AIM2: variants seen among roughly 807,000 people sequenced by gnomAD.
AIM2 encodes interferon-inducible protein AIM2.
AIM2 carries 30 observed loss-of-function variants against 27.7 expected under a neutral mutation model. The observed-to-expected ratio is 1.08, with a 90% CI of 0.81 to 1.47. The LOEUF is 1.47. Ranked by LOEUF, AIM2 falls within the 40% of genes most tolerant of loss-of-function variation. The probability of loss-of-function intolerance (pLI) is 0.00; values close to 1 mark genes in which losing one functional copy is unlikely to be tolerated. For synonymous variants in AIM2, 141 were observed against 145.3 expected (o/e 0.97, Z 0.21); for missense variants, 358 against 411.3 (o/e 0.87, Z 1.12).
chr1:159,093,901 AT>A (rs71084302), intron 1 of AIM2, among the ~76,000 whole-genome samples: 110 of 143,046 alleles, frequency 7.7e-4, no homozygotes, highest in African/African-American at 2.0e-3. Flanking sequence ...ATGCCTGGAT[AT>A]TTTTTTTTTT....
At chr1:159,138,787 T>TACCATATTTCAGGC (rs1462582362) in intron 1 of AIM2, among the ~76,000 whole-genome samples, 1 of 152,228 alleles carries the variant, frequency 6.6e-6, no homozygotes, top group African/African-American at 2.4e-5. Context: ...ATCAAATGCC[T>TACCATATTTCAGGC]ACCATATTTC....
At chr1:159,061,219 T>C (rs1655822802), downstream of AIM2, among the ~76,000 whole-genome samples, 1 of 152,230 alleles carries the variant, frequency 6.6e-6, no homozygotes, top group African/African-American at 2.4e-5. Flanking sequence ...CTAATAAATA[T>C]ATAATGGCAT....
intron 1 of AIM2, among the ~76,000 whole-genome samples, chr1:159,137,874 G>A (rs897450117): frequency 1.3e-5 from 2 of 152,150 alleles, no homozygotes; most frequent in East Asian, 1.9e-4. Context: ...GCTGGTGAAC[G>A]ACATCCCTCA....
chr1:159,123,162 G>A (rs1488378383), intron 1 of AIM2, among the ~76,000 whole-genome samples: 5 of 152,226 alleles, frequency 3.3e-5, no homozygotes, highest in African/African-American at 1.2e-4. Context: ...CATTATCATA[G>A]TTATTTATAG....
At chr1:159,078,356 C>T (rs1210097560), upstream of AIM2, among the ~76,000 whole-genome samples, 1 of 152,128 alleles carries the variant, frequency 6.6e-6, no homozygotes, top group Non-Finnish European at 1.5e-5. Context: ...AGAAAATATT[C>T]GTTGAATGAG....
intron 4 of AIM2, among the ~76,000 whole-genome samples, chr1:159,065,679 A>G (rs1289423890): frequency 6.6e-6 from 1 of 152,214 alleles, no homozygotes; most frequent in Non-Finnish European, 1.5e-5. Flanking sequence ...TTCCTTTTTC[A>G]GAGGCTACTG....
At chr1:159,089,273 C>T (rs188773132) in intron 1 of AIM2, among the ~76,000 whole-genome samples, 1 of 152,136 alleles carries the variant, frequency 6.6e-6, no homozygotes, top group Non-Finnish European at 1.5e-5. Flanking sequence ...AAAATAGAGG[C>T]TTAGCGGTGT....
At chr1:159,058,486 G>T (rs947695845), downstream of AIM2, among the ~76,000 whole-genome samples, 1 of 152,034 alleles carries the variant, frequency 6.6e-6, no homozygotes, top group Non-Finnish European at 1.5e-5. Flanking sequence ...CCCCAGCAGG[G>T]AGGGGAGGGT....
chr1:159,122,049 G>A (rs1208845993), intron 1 of AIM2, among the ~76,000 whole-genome samples: 1 of 152,116 alleles, frequency 6.6e-6, no homozygotes, highest in Non-Finnish European at 1.5e-5. Context: ...AAGAATCTGG[G>A]GAGAGAAGTT....
At chr1:159,058,600 C>A (rs1313629194), downstream of AIM2, among the ~76,000 whole-genome samples, 1 of 151,986 alleles carries the variant, frequency 6.6e-6, no homozygotes, top group Non-Finnish European at 1.5e-5. Flanking sequence ...GGGGTGGGGG[C>A]ATGATTTCCC....
intron 1 of AIM2, among the ~76,000 whole-genome samples, chr1:159,107,632 A>G (rs537116144): frequency 1.3e-5 from 2 of 152,358 alleles, no homozygotes; most frequent in African/African-American, 4.8e-5. Flanking sequence ...TGGTTCTTTG[A>G]AAAGATAAAT....
At chr1:159,104,457 T>C (rs905991521) in intron 1 of AIM2, among the ~76,000 whole-genome samples, 18 of 152,236 alleles carry the variant, frequency 1.2e-4, no homozygotes, top group African/African-American at 4.1e-4. Flanking sequence ...GTTAAATATA[T>C]AAACCTTCAT....
At chr1:159,137,135 A>G (rs1393382033) in intron 1 of AIM2, among the ~76,000 whole-genome samples, 1 of 152,254 alleles carries the variant, frequency 6.6e-6, no homozygotes, top group African/African-American at 2.4e-5. Flanking sequence ...CATTTAGAAA[A>G]GCCTCACCTC....
intron 1 of AIM2, among the ~76,000 whole-genome samples, chr1:159,109,472 G>GA (rs1254633424): frequency 2.0e-5 from 3 of 152,056 alleles, no homozygotes; most frequent in East Asian, 1.9e-4. Flanking sequence ...GATAACATTG[G>GA]AAAAAACCCT....
intron 1 of AIM2, among the ~76,000 whole-genome samples, chr1:159,092,215 A>T (rs1233939885): frequency 1.3e-5 from 2 of 152,248 alleles, no homozygotes; most frequent in Non-Finnish European, 2.9e-5. Flanking sequence ...AACATGCAAA[A>T]CTAAGAGACT....
At chr1:159,072,561 A>G (rs1656407023) in intron 2 of AIM2, among the ~76,000 whole-genome samples, 1 of 152,228 alleles carries the variant, frequency 6.6e-6, no homozygotes, top group Non-Finnish European at 1.5e-5. Context: ...CAAAATCAGG[A>G]ATTTAAACTA....
chr1:159,122,733 G>A (rs1647572327), intron 1 of AIM2, among the ~76,000 whole-genome samples: 1 of 152,116 alleles, frequency 6.6e-6, no homozygotes, highest in African/African-American at 2.4e-5. Context: ...ACCTGCAGAA[G>A]GCCTTTCCTC....
chr1:159,081,430 G>A, upstream of AIM2: 1 of 422,154 alleles, frequency 2.4e-6, no homozygotes, highest in Non-Finnish European at 4.8e-6. Context: ...CTTGTCAGGA[G>A]ACATGATAAT....
At chr1:159,097,091 G>T (rs1487880538) in intron 1 of AIM2, among the ~76,000 whole-genome samples, 3 of 151,950 alleles carry the variant, frequency 2.0e-5, no homozygotes, top group African/African-American at 7.2e-5. Context: ...TTCTTGAGCT[G>T]CAGGAGACAG....
Sources: allele counts gnomAD v4.1 joint callset (sites outside exome capture counted in the v4.1 genomes callset), GRCh38; gene constraint gnomAD v4.1.1; transcripts MANE v1.5; gene names NCBI Gene and HGNC (gene_info 2026-07-23, HGNC 2026-07-21).